MBP: variants seen among roughly 807,000 people sequenced by gnomAD.
The protein encoded by MBP is myelin basic protein.
Under a neutral mutation model 35.8 loss-of-function variants are expected in MBP, and 16 were observed. The ratio of observed to expected loss-of-function variants is 0.45; its 90% CI spans 0.30 to 0.68. The LOEUF is 0.68. MBP is among the 30% of genes least tolerant of loss of function. The pLI, the probability that MBP is intolerant of heterozygous loss-of-function variation, is 0.08. For missense variants in MBP, 380 were observed against 404.7 expected, an observed-to-expected ratio of 0.94 and a Z score of 0.52; for synonymous variants, 143 against 159.6, an observed-to-expected ratio of 0.90 and a Z score of 0.78.
intron 1 of MBP, among the ~76,000 whole-genome samples, chr18:77,120,598 A>G (rs1275192920): frequency 6.6e-6 from 1 of 152,222 alleles, no homozygotes; most frequent in East Asian, 1.9e-4. Context: ...AGACTATTTT[A>G]CAAAACGCAT....
intron 3 of MBP, among the ~76,000 whole-genome samples, chr18:77,034,835 G>C (rs1972690156): frequency 6.6e-6 from 1 of 151,956 alleles, no homozygotes; most frequent in African/African-American, 2.4e-5. Context: ...CGTCCTCTTT[G>C]TACCATTTGC....
intron 4 of MBP, among the ~76,000 whole-genome samples, chr18:76,993,771 G>A (rs1057336472): frequency 5.3e-5 from 8 of 152,094 alleles, no homozygotes; most frequent in Non-Finnish European, 1.2e-4. Flanking sequence ...GCTTCATGGC[G>A]GGTACCCCTC....
In MBP at chr18:76,979,707, T is replaced by C; in HGVS notation, c.*720A>G. On this transcript the variant is annotated 3_prime_UTR_variant, in exon 9 of 9. Coordinates refer to ENST00000355994, the MANE Select transcript of MBP (RefSeq NM_001025101.2). The stretch of plus-strand genomic sequence containing the variant: ...ATCTCCAGGAAGACCCTGTTTCCTA[T>C]GTGAGGCCATTGCCCAGCCCACGTT... The C allele has an allele frequency of 1.9e-6, 1 of 537,490 alleles. No individual in the cohort carries two copies. Among genetic ancestry groups the C allele is most frequent in the East Asian group, 3.2e-5 (1 of 31,312 alleles). 33.3% of individuals were successfully genotyped at this position (537,490 alleles called of 1,614,324 possible).
chr18:77,073,844 G>A (rs961604930), intron 2 of MBP, among the ~76,000 whole-genome samples: 3 of 152,144 alleles, frequency 2.0e-5, no homozygotes, highest in Non-Finnish European at 1.5e-5. Flanking sequence ...CTTGCCTTCC[G>A]CCAGTTCACA....
chr18:77,029,759 A>G (rs1014233235), intron 3 of MBP, among the ~76,000 whole-genome samples: 2 of 150,748 alleles, frequency 1.3e-5, no homozygotes, highest in Non-Finnish European at 3.0e-5. Flanking sequence ...TGAGTGTTCT[A>G]TGTTCCCATA....
At position 77,082,082 on chromosome 18, in the gene MBP, G is replaced by A. The variant is rs538822128; in HGVS notation, c.52-15697C>T. 1.4e-4 allele frequency among the ~76,000 whole-genome samples: 22 copies of A among 151,922 alleles called. No homozygotes were observed. In the East Asian group the frequency reaches 2.1e-3, roughly 15 times the overall value. On this transcript the variant is annotated intron_variant, in intron 2 of 8. Coordinates refer to ENST00000355994, the MANE Select transcript of MBP (RefSeq NM_001025101.2). ...TTAGCCGGGATGGTTTCGATCTCCTGACCTTGTGATCCGCCCGCCTCGGCC... is the reference window on the plus strand; with the variant it reads ...TTAGCCGGGATGGTTTCGATCTCCTAACCTTGTGATCCGCCCGCCTCGGCC...
At chr18:77,050,966 TATA>T (rs140155644) in intron 3 of MBP, among the ~76,000 whole-genome samples, 17,419 of 152,220 alleles carry the variant, frequency 0.11, 1,184 homozygotes, top group Admixed American at 0.17. Context: ...GACCACTAAT[TATA>T]ATATTTGCCT....
chr18:77,014,470 C>G (rs999609731), intron 4 of MBP: 15 of 985,346 alleles, frequency 1.5e-5, no homozygotes, highest in Non-Finnish European at 1.8e-5. Context: ...AGACAGGGCC[C>G]GGGCCTTCCA....
chr18:76,983,207 A>C (rs1190664194), intron 8 of MBP: 1 of 152,220 alleles, frequency 6.6e-6, no homozygotes, highest in Admixed American at 6.5e-5. Context: ...AACAGTCCTT[A>C]AGCTGGTAGT....
upstream of MBP, chr18:77,133,366 C>T (rs1386370022): frequency 6.6e-6 from 1 of 152,430 alleles, no homozygotes; most frequent in African/African-American, 2.4e-5. Flanking sequence ...GCACCTTCTC[C>T]TGCAGGACCG....
chr18:77,085,528 G>T lies in MBP; in HGVS notation c.52-19143C>A, dbSNP rs149058346. ...CATGTAAGGCTCATGACAGTATCTG[G>T]TGCTCAGCTAGCGCGGAGCCAATGC... On this transcript the variant is annotated intron_variant, in intron 2 of 8. Coordinates refer to ENST00000355994, the MANE Select transcript of MBP (RefSeq NM_001025101.2). Among the ~76,000 whole-genome samples, 745 of 152,210 alleles carry T rather than the reference G, an allele frequency of 4.9e-3. 14 individuals are homozygous for T. Among genetic ancestry groups the T allele is most frequent in the Middle Eastern group, 0.031 (9 of 294 alleles).
Position 76,988,273 on chromosome 18 carries a change from C to G in MBP, c.750+222G>C. ...AGGATCTGGCCTTGCAGGGCTGGGT[C>G]CCCGGCACAGAAGCAAGAGACCAGA... On this transcript the variant is annotated intron_variant, in intron 7 of 8. Coordinates refer to ENST00000355994, the MANE Select transcript of MBP (RefSeq NM_001025101.2). The surrounding 1 kb of genome is among the most constrained non-coding windows in gnomAD (Gnocchi z 5.2). 1.3e-6 allele frequency: 2 copies of G among 1,551,012 alleles called. No homozygotes were observed. Among genetic ancestry groups the G allele is most frequent in the Non-Finnish European group, 1.7e-6 (2 of 1,147,186 alleles).
chr18:77,015,764 T>C (rs536166384), intron 4 of MBP: 165 of 985,332 alleles, frequency 1.7e-4, no homozygotes, highest in Non-Finnish European at 2.0e-4. Context: ...TAAAGCAAAT[T>C]CTAGAAACTC....
Position 77,086,636 on chromosome 18 carries a change from C to A in MBP, c.51+18575G>T, listed in dbSNP as rs75233691. ...CTGAGTTATTCATGAAACAATACTT[C>A]TATTTTAAGCGCTAAGGGAATTATG... On this transcript the variant is annotated intron_variant, in intron 2 of 8. Coordinates refer to ENST00000355994, the MANE Select transcript of MBP (RefSeq NM_001025101.2). Among the ~76,000 whole-genome samples, 1,195 of 152,286 alleles carry A rather than the reference C, an allele frequency of 7.8e-3. 22 individuals are homozygous for A. Among genetic ancestry groups the A allele is most frequent in the East Asian group, 0.058 (300 of 5,186 alleles).
intron 3 of MBP, among the ~76,000 whole-genome samples, chr18:77,057,830 T>TAAGTTCGGCAGAGGACACCCAGGGC (rs1599156580): frequency 8.5e-5 from 1 of 11,770 alleles, no homozygotes; most frequent in Non-Finnish European, 2.0e-4. Context: ...GAGTGTTTTT[T>TAAGTTCGGCAGAGGACACCCAGGGC]TTTTTTTTTT....
chr18:77,098,876 A>G (rs892720793), intron 2 of MBP, among the ~76,000 whole-genome samples: 1 of 152,068 alleles, frequency 6.6e-6, no homozygotes, highest in Non-Finnish European at 1.5e-5. Context: ...ATCCACGGCA[A>G]TCCTTACAAC....
chr18:76,992,690 T>A (rs377259047), intron 4 of MBP, among the ~76,000 whole-genome samples: 10 of 152,252 alleles, frequency 6.6e-5, no homozygotes, highest in Admixed American at 6.5e-4. Context: ...TGGATGTCCC[T>A]CTCCTTCCAG....
intron 3 of MBP, among the ~76,000 whole-genome samples, chr18:77,023,035 C>T (rs1268322678): frequency 2.0e-5 from 3 of 152,200 alleles, no homozygotes; most frequent in African/African-American, 4.8e-5. Context: ...TGGTATTAAT[C>T]GATTTCTGCA....
intron 4 of MBP, among the ~76,000 whole-genome samples, chr18:77,009,497 T>C (rs932155855): frequency 1.1e-4 from 17 of 152,154 alleles, no homozygotes; most frequent in Admixed American, 6.5e-5. Context: ...CAGCCCTCAA[T>C]ACCAGAGCCA....
Sources: allele counts gnomAD v4.1 joint callset (sites outside exome capture counted in the v4.1 genomes callset), GRCh38; gene constraint gnomAD v4.1.1; non-coding constraint Gnocchi (gnomAD v3.1); transcripts MANE v1.5; gene names NCBI Gene and HGNC (gene_info 2026-07-23, HGNC 2026-07-21).